TRDN: variants seen among roughly 807,000 people sequenced by gnomAD.
TRDN encodes the protein triadin in skeletal muscle.
A neutral mutation model predicts 149.7 loss-of-function variants in TRDN; 161 were observed. That is an observed-to-expected ratio of 1.08 (90% confidence interval 0.95 to 1.23). The LOEUF (loss-of-function observed/expected upper bound fraction) is 1.23. Ranked by LOEUF, TRDN falls within the 50% of genes most tolerant of loss-of-function variation. TRDN has a pLI of 0.00. For missense variants in TRDN, 896 were observed against 823.5 expected (o/e 1.09, Z -1.08); for synonymous variants, 294 against 250.5 (o/e 1.17, Z -1.64).
At chr6:123,456,747 G>C (rs546925058) in intron 10 of TRDN, 11 of 453,878 alleles carry the variant, frequency 2.4e-5, no homozygotes, top group South Asian at 1.7e-4. Context: ...GGGGATTACA[G>C]CATTCCTTAT....
intron 12 of TRDN, among the ~76,000 whole-genome samples, chr6:123,402,008 G>A (rs1176984402): frequency 6.6e-6 from 1 of 151,640 alleles, no homozygotes; most frequent in Non-Finnish European, 1.5e-5. Flanking sequence ...AAGGGGAAAG[G>A]GAAAGAAAGC....
At chr6:123,551,340 A>AATAT (rs1554256526) in intron 2 of TRDN, among the ~76,000 whole-genome samples, 689 of 60,776 alleles carry the variant, frequency 0.011, 9 homozygotes, top group African/African-American at 0.03. Flanking sequence ...CCAAAACCTA[A>AATAT]ATACACACAC....
intron 24 of TRDN, among the ~76,000 whole-genome samples, chr6:123,315,475 A>G (rs750901407): frequency 6.6e-6 from 1 of 151,940 alleles, no homozygotes; most frequent in Non-Finnish European, 1.5e-5. Flanking sequence ...TCTTAAGAGA[A>G]ATGACTTTAA....
chr6:123,436,058 G>A (rs868141211), intron 12 of TRDN, among the ~76,000 whole-genome samples: 1 of 152,004 alleles, frequency 6.6e-6, no homozygotes, highest in African/African-American at 2.4e-5. Flanking sequence ...CCAAAAACAC[G>A]TTTTCAGATT....
At chr6:123,390,414 A>G (rs1782063644) in intron 13 of TRDN, among the ~76,000 whole-genome samples, 1 of 152,166 alleles carries the variant, frequency 6.6e-6, no homozygotes, top group Non-Finnish European at 1.5e-5. Context: ...ATGCACATGT[A>G]TCTTCTTTTT....
chr6:123,353,680 GA>G (rs1780551589), intron 20 of TRDN, among the ~76,000 whole-genome samples: 1 of 151,536 alleles, frequency 6.6e-6, no homozygotes. Flanking sequence ...GGAAAAAAAG[GA>G]GGTGAATTTC....
chr6:123,322,743 C>T (rs1337190143), intron 23 of TRDN, among the ~76,000 whole-genome samples: 1 of 151,676 alleles, frequency 6.6e-6, no homozygotes, highest in Non-Finnish European at 1.5e-5. Flanking sequence ...TGGATTCATG[C>T]CATTCTCCTG....
At chr6:123,375,845 TGTTA>T (rs1781481789) in intron 18 of TRDN, among the ~76,000 whole-genome samples, 1 of 152,142 alleles carries the variant, frequency 6.6e-6, no homozygotes, top group Non-Finnish European at 1.5e-5. Flanking sequence ...TTTTATTGTT[TGTTA>T]TTCATACTTC....
chr6:123,548,392 C>G (rs190020823), intron 3 of TRDN, 62 bp downstream of exon 3: 3 of 1,270,568 alleles, frequency 2.4e-6, no homozygotes, highest in Non-Finnish European at 3.0e-6. Flanking sequence ...CTGAGGCAAG[C>G]CACTATAATA....
intron 4 of TRDN, among the ~76,000 whole-genome samples, chr6:123,539,465 C>A (rs1780716366): frequency 1.3e-5 from 2 of 152,148 alleles, no homozygotes; most frequent in African/African-American, 4.8e-5. Flanking sequence ...CTAGAAAAGA[C>A]CTGGACATCA....
intron 7 of TRDN, 100 bp downstream of exon 7, chr6:123,512,203 A>C: frequency 1.5e-6 from 1 of 661,342 alleles, no homozygotes; most frequent in Admixed American, 3.1e-5. Context: ...TTTTAATATA[A>C]ATGATAAAAG....
chr6:123,556,659 T>A (rs1041240617), intron 2 of TRDN, among the ~76,000 whole-genome samples: 1 of 151,626 alleles, frequency 6.6e-6, no homozygotes, highest in African/African-American at 2.4e-5. Context: ...TTCCTCTTCC[T>A]CTTCTTCTTC....
chr6:123,287,592 A>G (rs1777846254), intron 24 of TRDN, among the ~76,000 whole-genome samples: 1 of 152,148 alleles, frequency 6.6e-6, no homozygotes, highest in African/African-American at 2.4e-5. Context: ...AATAAGGCTT[A>G]ATTAGAGTCA....
chr6:123,350,386 T>A lies in TRDN; in HGVS notation c.1369+2153A>T, dbSNP rs1240116893. 5.8e-6 allele frequency: 5 copies of A among 868,036 alleles called. No individual in the cohort carries two copies. In the African/African-American group the frequency reaches 9.1e-5, roughly 16 times the overall value. 53.8% of individuals were successfully genotyped at this position (868,036 alleles called of 1,614,324 possible). A position where few individuals can be genotyped will look rare whatever the true frequency, so the allele number is the denominator to read the frequency against. ...ACTCTATTAAGAGTAACAAAAATCA[T>A]ATAATTTTTCTAAATAAAGTCCACA... On this transcript the variant is annotated intron_variant, in intron 21 of 40. Transcript: ENST00000334268.
chr6:123,270,560 A>G lies in TRDN; in HGVS notation c.1720+579T>C, dbSNP rs561393705. The stretch of plus-strand genomic sequence containing the variant: ...CAGATGTGAATTGATTTCAAGACTC[A>G]TAAGTTTTCTTTTTCCTTACAGGAA... On this transcript the variant is annotated intron_variant, in intron 30 of 40. Coordinates refer to ENST00000334268, the MANE Select transcript of TRDN (RefSeq NM_006073.4). Among the ~76,000 whole-genome samples the G allele has an allele frequency of 1.4e-4, 22 of 152,120 alleles. 1 individual carries two copies. In the South Asian group the frequency reaches 3.7e-3, roughly 26 times the overall value.
At position 123,301,082 on chromosome 6, in the gene TRDN, C is replaced by T. The variant is rs944073528; in HGVS notation, c.1510+15375G>A. Among the ~76,000 whole-genome samples, 6 of 152,068 alleles carry T rather than the reference C, an allele frequency of 3.9e-5. No individual in the cohort carries two copies. In the East Asian group the frequency reaches 1.2e-3, roughly 29 times the overall value. On this transcript the variant is annotated intron_variant, in intron 24 of 40. Coordinates refer to ENST00000334268, the MANE Select transcript of TRDN (RefSeq NM_006073.4). ...ATTTCTACTCTAAGGAATATGGAGT[C>T]TATTGTCCTGACAGCATCTACATTT...
intron 12 of TRDN, among the ~76,000 whole-genome samples, chr6:123,436,387 T>C (rs774419091): frequency 6.6e-6 from 1 of 151,846 alleles, no homozygotes; most frequent in Non-Finnish European, 1.5e-5. Flanking sequence ...TGCAAAGGAA[T>C]GGGCAATCAA....
chr6:123,510,971 C>T (rs138239863), intron 7 of TRDN, among the ~76,000 whole-genome samples: 626 of 152,258 alleles, frequency 4.1e-3, no homozygotes, highest in Non-Finnish European at 6.9e-3. Flanking sequence ...GCAAGAAAAT[C>T]ATTTATGGTG....
At chr6:123,225,746 C>G (rs9482366) in intron 38 of TRDN, among the ~76,000 whole-genome samples, 5,331 of 151,772 alleles carry the variant, frequency 0.035, 325 homozygotes, top group African/African-American at 0.12. Context: ...AGCTCAAATA[C>G]ATACACAATG....
Sources: allele counts gnomAD v4.1 joint callset (sites outside exome capture counted in the v4.1 genomes callset), GRCh38; gene constraint gnomAD v4.1.1; transcripts MANE v1.5; gene names NCBI Gene and HGNC (gene_info 2026-07-23, HGNC 2026-07-21).